Variants in ARID3C observed in about 807,000 individuals in gnomAD.
ARID3C encodes AT-rich interactive domain-containing protein 3C.
A neutral mutation model predicts 37.9 loss-of-function variants in ARID3C; 42 were observed. The ratio of observed to expected loss-of-function variants is 1.11; its 90% CI spans 0.87 to 1.43. ARID3C has a LOEUF of 1.43. Among genes scored for constraint, ARID3C ranks in the 40% most tolerant of loss-of-function variants. The pLI is 0.00. For missense variants in ARID3C, 581 were observed against 548.8 expected (o/e 1.06, Z -0.59); for synonymous variants, 213 against 228.0 (o/e 0.93, Z 0.59).
chr9:34,630,094 T>C (rs1820710031), upstream of ARID3C, among the ~76,000 whole-genome samples: 1 of 151,992 alleles, frequency 6.6e-6, no homozygotes, highest in Admixed American at 6.5e-5. Flanking sequence ...CATAGACAAG[T>C]GAATAGTATA....
Position 34,623,779 on chromosome 9 carries a change from C to T in ARID3C, c.576-65G>A, listed in dbSNP as rs527399007. On this transcript the variant is annotated intron_variant, in intron 3 of 6. Transcript: ENST00000378909. ...CACCCAGCTGGTCAAGTCCCACAGC[C>T]GGACGCCCGCCCGGGGACCCTCCCC... 11 of 1,499,864 alleles carry T rather than the reference C, an allele frequency of 7.3e-6. No individual in the cohort carries two copies. In the South Asian group the frequency reaches 1.1e-4, roughly 16 times the overall value. 92.9% of individuals were successfully genotyped at this position (1,499,864 alleles called of 1,614,324 possible).
exon 7 of ARID3C, chr9:34,621,511 T>C (rs1382247994): frequency 9.0e-6 from 14 of 1,553,032 alleles, no homozygotes; most frequent in Non-Finnish European, 9.5e-6. Flanking sequence ...GCAGGGTTGG[T>C]TGGACCCTGG....
chr9:34,624,040 TG>T lies in ARID3C; in HGVS notation c.398del (p.Pro133GlnfsTer2). ...TCGCCATGATGGGCACGCGGTTCAC[TG>T]GCGTCCCTGGTGGGGAGCGGGCTGC... is the stretch of plus-strand genomic sequence containing the variant. On this transcript the variant is annotated frameshift_variant, in exon 3 of 7. Coordinates refer to ENST00000378909, the Ensembl canonical transcript of ARID3C. LOFTEE classifies it high-confidence loss of function. 1 of 1,586,688 alleles carries T rather than the reference TG, an allele frequency of 6.3e-7. No homozygotes were observed. The highest frequency in any genetic ancestry group is 8.6e-7 in the Non-Finnish European group (1 of 1,169,384).
chr9:34,624,917 A>G (rs930622288), intron 2 of ARID3C, among the ~76,000 whole-genome samples: 3 of 152,232 alleles, frequency 2.0e-5, no homozygotes, highest in African/African-American at 7.2e-5. Flanking sequence ...AGGGCCAGAG[A>G]GGGAACACTG....
rs1241424647 is a variant in ARID3C at position 34,627,553 on chromosome 9, CT to C, written c.318+143del. 4.7e-5 allele frequency: 32 copies of C among 673,756 alleles called. No homozygotes were observed. In the Middle Eastern group the frequency reaches 7.7e-4, roughly 16 times the overall value. The allele number at this position is 673,756 out of a possible 1,614,324, so 41.7% of individuals were successfully genotyped here. A position where few individuals can be genotyped will look rare whatever the true frequency, so the allele number is the denominator to read the frequency against. On this transcript the variant is annotated intron_variant, in intron 1 of 6. Coordinates refer to ENST00000378909, the Ensembl canonical transcript of ARID3C. ...CACTATCCTCCAATCTTCTCTCTGT[CT>C]TTCTATAGGTCTCCGTGTCTCTGTG...
intron 6 of ARID3C, 132 bp from the exon 8 acceptor site, chr9:34,621,690 A>G (rs1349869600): frequency 1.4e-6 from 1 of 701,498 alleles, no homozygotes; most frequent in Non-Finnish European, 2.4e-6. Context: ...GCCACAAACC[A>G]ATGAGGACAA....
At chr9:34,621,660 A>AACACT in intron 6 of ARID3C, 102 bp from the exon 8 acceptor site, 1 of 851,582 alleles carries the variant, frequency 1.2e-6, no homozygotes, top group Non-Finnish European at 1.8e-6. Flanking sequence ...TGGTTGCTAG[A>AACACT]ACACTACACA....
At chr9:34,628,151 G>T, upstream of ARID3C, 1 of 1,206,206 alleles carries the variant, frequency 8.3e-7, no homozygotes, top group Non-Finnish European at 1.1e-6. This position sits in a 1 kb window ranked among gnomAD's most constrained non-coding sequence, Gnocchi z 5.2. Flanking sequence ...CACAGGGGGA[G>T]GTGGTCATGG....
rs1233441925 is a variant in ARID3C at position 34,623,848 on chromosome 9, C to T, written c.575+16G>A. Reference sequence around the variant, plus strand: ...ACCCGTGCCCCCTTCCCTTCCGCTCCCGCCCCTGGCCTCACTGGGTGCGTA... The same window carrying T: ...ACCCGTGCCCCCTTCCCTTCCGCTCTCGCCCCTGGCCTCACTGGGTGCGTA... On this transcript the variant is annotated intron_variant, in intron 3 of 6. Transcript: ENST00000378909. The T allele has an allele frequency of 1.3e-6, 2 of 1,569,838 alleles. No homozygotes were observed. The highest frequency in any genetic ancestry group is 1.3e-5 in the African/African-American group (1 of 74,418).
upstream of ARID3C, among the ~76,000 whole-genome samples, chr9:34,632,086 C>CCT (rs1820727313): frequency 6.6e-6 from 1 of 152,186 alleles, no homozygotes; most frequent in African/African-American, 2.4e-5. Context: ...TAAGTCTAGT[C>CCT]CACTCAAGGG....
chr9:34,624,772 A>C (rs1033642330), intron 2 of ARID3C, among the ~76,000 whole-genome samples: 7 of 152,200 alleles, frequency 4.6e-5, no homozygotes, highest in African/African-American at 1.7e-4. Flanking sequence ...GGCCTGATTA[A>C]TGGGGGAAAA....
upstream of ARID3C, among the ~76,000 whole-genome samples, chr9:34,631,295 G>A (rs987746086): frequency 6.6e-6 from 1 of 152,184 alleles, no homozygotes; most frequent in African/African-American, 2.4e-5. Context: ...AATCAATCAA[G>A]CAAAGTTAAT....
exon 1 of ARID3C, chr9:34,627,831 T>G (rs1233498282): frequency 7.5e-6 from 12 of 1,610,732 alleles, no homozygotes; most frequent in Non-Finnish European, 9.3e-6. Flanking sequence ...TCCTCCCGCT[T>G]CTCCTCATCT....
chr9:34,631,123 C>G (rs1712236923), upstream of ARID3C, among the ~76,000 whole-genome samples: 1 of 152,198 alleles, frequency 6.6e-6, no homozygotes, highest in African/African-American at 2.4e-5. Context: ...ACAGCTTCCC[C>G]TGGCTGCTCA....
chr9:34,626,268 G>T (rs985153734), intron 1 of ARID3C, among the ~76,000 whole-genome samples: 2 of 152,296 alleles, frequency 1.3e-5, no homozygotes, highest in African/African-American at 4.8e-5. Flanking sequence ...TGCCAGGGCT[G>T]GGGGTGACTG....
intron 1 of ARID3C, among the ~76,000 whole-genome samples, chr9:34,627,078 G>A (rs1036018793): frequency 2.6e-5 from 4 of 152,164 alleles, no homozygotes; most frequent in African/African-American, 4.8e-5. Flanking sequence ...GTCATACTGC[G>A]GCTGTAGTGG....
At chr9:34,627,873 C>T (rs1319550251) in exon 1 of ARID3C, 1 of 1,579,662 alleles carries the variant, frequency 6.3e-7, no homozygotes. Flanking sequence ...TCAGCCCCAA[C>T]ATTCCCCAAG....
chr9:34,621,601 G>T (rs970328976), intron 6 of ARID3C, 43 bp from the exon 8 acceptor site: 3 of 1,403,080 alleles, frequency 2.1e-6, no homozygotes, highest in Non-Finnish European at 2.9e-6. Flanking sequence ...AAAACAAGCA[G>T]GAGGGGGTAG....
At chr9:34,621,539 G>A in exon 7 of ARID3C, 1 of 1,572,188 alleles carries the variant, frequency 6.4e-7, no homozygotes, top group Non-Finnish European at 8.6e-7. Context: ...GCACAGGCTG[G>A]CGGCGGGCAA....
Sources: gnomAD v4.1 joint callset for allele counts (sites outside exome capture counted in the v4.1 genomes callset) on GRCh38, gnomAD v4.1.1 for gene constraint, Gnocchi (gnomAD v3.1) non-coding constraint, MANE v1.5 for transcripts, NCBI Gene and HGNC (gene_info 2026-07-23, HGNC 2026-07-21) for gene names.